The following DAB1 variants were observed in gnomAD, a reference collection of about 807,000 sequenced individuals.
DAB1 encodes the protein DAB adaptor protein 1, also known as disabled homolog 1.
A neutral mutation model predicts 64.6 loss-of-function variants in DAB1; 15 were observed. The observed-to-expected ratio is 0.23, with a 90% CI of 0.16 to 0.36. The LOEUF (loss-of-function observed/expected upper bound fraction) is 0.36. DAB1 is among the 10% of genes least tolerant of loss of function. DAB1 has a pLI of 1.00. For synonymous variants in DAB1, 235 were observed against 251.9 expected (o/e 0.93, Z 0.64); for missense variants, 596 against 706.7 (o/e 0.84, Z 1.78).
intron 2 of DAB1, among the ~76,000 whole-genome samples, chr1:58,515,466 A>T (rs190313871): frequency 6.6e-6 from 1 of 152,184 alleles, no homozygotes; most frequent in Non-Finnish European, 1.5e-5. Flanking sequence ...CCTCTATCTT[A>T]GGTAAAGTTT....
intron 7 of DAB1, among the ~76,000 whole-genome samples, chr1:57,603,710 C>T (rs913982832): frequency 2.0e-5 from 3 of 152,152 alleles, no homozygotes; most frequent in African/African-American, 7.2e-5. Flanking sequence ...ACAAGAGGCT[C>T]GAAGCAAAGC....
chr1:57,181,957 C>T (rs1376266755), intron 2 of DAB1, among the ~76,000 whole-genome samples: 1 of 152,224 alleles, frequency 6.6e-6, no homozygotes, highest in African/African-American at 2.4e-5. Flanking sequence ...GCCATCTCGG[C>T]TTACTGCAAC....
chr1:58,352,456 C>A (rs928481538), intron 3 of DAB1, among the ~76,000 whole-genome samples: 2 of 152,126 alleles, frequency 1.3e-5, no homozygotes, highest in African/African-American at 4.8e-5. Context: ...AGCCATCCGG[C>A]ATGTATCTAA....
intron 1 of DAB1, among the ~76,000 whole-genome samples, chr1:57,408,431 A>G (rs191204587): frequency 3.3e-5 from 5 of 152,300 alleles, no homozygotes; most frequent in Admixed American, 1.3e-4. Context: ...ACGGGGATCA[A>G]TAAAGATTCT....
At chr1:58,110,710 C>A (rs1446231598) in intron 5 of DAB1, among the ~76,000 whole-genome samples, 1 of 152,202 alleles carries the variant, frequency 6.6e-6, no homozygotes, top group Non-Finnish European at 1.5e-5. Context: ...TGGGCAGGTC[C>A]CCCATGAGCT....
chr1:57,320,586 G>A (rs183930444), intron 1 of DAB1, among the ~76,000 whole-genome samples: 1 of 152,168 alleles, frequency 6.6e-6, no homozygotes, highest in East Asian at 1.9e-4. Flanking sequence ...CTCTTGCTCA[G>A]AGAGAAACAT....
chr1:57,557,479 T>G (rs1645003667), intron 7 of DAB1, among the ~76,000 whole-genome samples: 1 of 152,024 alleles, frequency 6.6e-6, no homozygotes, highest in South Asian at 2.1e-4. Context: ...TGTATATATA[T>G]ATATTTCATT....
chr1:58,147,692 C>T (rs960456723), intron 5 of DAB1, among the ~76,000 whole-genome samples: 22 of 152,116 alleles, frequency 1.4e-4, no homozygotes, highest in Middle Eastern at 6.8e-3. Context: ...TACCATATGG[C>T]TCAGCAGTCC....
chr1:57,109,773 G>A (rs1344429484), intron 4 of DAB1, among the ~76,000 whole-genome samples: 1 of 152,058 alleles, frequency 6.6e-6, no homozygotes, highest in African/African-American at 2.4e-5. Flanking sequence ...AACATACCCG[G>A]CACATAGTAG....
At chr1:57,082,770 C>T (rs1652674153) in intron 4 of DAB1, among the ~76,000 whole-genome samples, 1 of 152,158 alleles carries the variant, frequency 6.6e-6, no homozygotes. Flanking sequence ...TAAGTGAAAA[C>T]ATGCGGTATT....
At chr1:58,170,602 A>G (rs558093822) in intron 4 of DAB1, among the ~76,000 whole-genome samples, 2 of 152,278 alleles carry the variant, frequency 1.3e-5, no homozygotes, top group East Asian at 3.9e-4. Flanking sequence ...CCCTCAGACA[A>G]ACAAACCTTG....
intron 4 of DAB1, among the ~76,000 whole-genome samples, chr1:58,246,744 T>TG (rs1431107858): frequency 1.3e-5 from 2 of 152,062 alleles, no homozygotes; most frequent in Non-Finnish European, 2.9e-5. Flanking sequence ...TGTGTGCATG[T>TG]GGGGGGTGTT....
At chr1:58,013,620 C>A (rs1646700012) in intron 5 of DAB1, among the ~76,000 whole-genome samples, 1 of 152,196 alleles carries the variant, frequency 6.6e-6, no homozygotes, top group Admixed American at 6.5e-5. Context: ...CTCCTTCCTG[C>A]AACATCTGGA....
At chr1:57,690,576 A>G (rs1039512786) in intron 6 of DAB1, among the ~76,000 whole-genome samples, 1 of 152,194 alleles carries the variant, frequency 6.6e-6, no homozygotes, top group Non-Finnish European at 1.5e-5. Context: ...CTATGAGCCA[A>G]TTAAGCCTCT....
At chr1:57,438,069 T>C (rs901690487) in intron 7 of DAB1, among the ~76,000 whole-genome samples, 1 of 152,202 alleles carries the variant, frequency 6.6e-6, no homozygotes, top group Non-Finnish European at 1.5e-5. Flanking sequence ...AGCCACTCTC[T>C]GCTTTGCATT....
intron 5 of DAB1, among the ~76,000 whole-genome samples, chr1:57,949,372 C>A (rs1645232299): frequency 6.6e-6 from 1 of 152,204 alleles, no homozygotes; most frequent in Non-Finnish European, 1.5e-5. Context: ...GCTCTCACCT[C>A]CTGCTGGGCA....
intron 4 of DAB1, among the ~76,000 whole-genome samples, chr1:58,167,514 G>A (rs1309944163): frequency 6.6e-6 from 1 of 152,238 alleles, no homozygotes; most frequent in Non-Finnish European, 1.5e-5. Flanking sequence ...TCAATCAGCA[G>A]GATGTGGGCA....
chr1:57,280,360 G>A (rs1397925851), intron 2 of DAB1, among the ~76,000 whole-genome samples: 2 of 152,134 alleles, frequency 1.3e-5, no homozygotes, highest in African/African-American at 2.4e-5. Flanking sequence ...ATCCTAGAAG[G>A]TGTGTTGCAA....
At chr1:57,103,941 A>G (rs1253710926) in intron 4 of DAB1, among the ~76,000 whole-genome samples, 1 of 152,086 alleles carries the variant, frequency 6.6e-6, no homozygotes, top group Non-Finnish European at 1.5e-5. Flanking sequence ...AGAGAGAGGT[A>G]TGGCAGATTT....
Sources: allele counts gnomAD v4.1 joint callset (sites outside exome capture counted in the v4.1 genomes callset), GRCh38; gene constraint gnomAD v4.1.1; transcripts MANE v1.5; gene names NCBI Gene and HGNC (gene_info 2026-07-23, HGNC 2026-07-21).